AOC3: variants seen among roughly 807,000 people sequenced by gnomAD.
AOC3 encodes amine oxidase copper containing 3.
AOC3 carries 47 observed loss-of-function variants against 55.4 expected under a neutral mutation model. The observed-to-expected ratio is 0.85, with a 90% CI of 0.67 to 1.08. The LOEUF (loss-of-function observed/expected upper bound fraction) is 1.08, where lower values mean the gene tolerates loss of function less well. AOC3 is among the 50% of genes least tolerant of loss of function. The pLI is 0.00. For synonymous variants in AOC3, 386 were observed against 410.7 expected, an observed-to-expected ratio of 0.94 and a Z score of 0.73; for missense variants, 853 against 993.1, an observed-to-expected ratio of 0.86 and a Z score of 1.90.
intron 1 of AOC3, 158 bp from the exon 2 acceptor site, chr17:42,854,290 C>A: frequency 1.8e-6 from 1 of 544,872 alleles, no homozygotes; most frequent in Non-Finnish European, 2.9e-6. Flanking sequence ...ACAGCTTTGG[C>A]TAAAGGATTG....
At position 42,852,957 on chromosome 17, in the gene AOC3, G is replaced by T. The variant is rs1313887252; in HGVS notation, c.1600+14G>T. ...TGGATGTAGCAGGTAAGACATTTTG[G>T]TGGGGAGAAGGCTTCTGGAAGAAGG... On this transcript the variant is annotated intron_variant, in intron 1 of 3. Transcript: ENST00000308423. 6 of 1,594,536 alleles carry T rather than the reference G, an allele frequency of 3.8e-6. No homozygotes were observed. Among genetic ancestry groups the T allele is most frequent in the Non-Finnish European group, 5.2e-6 (6 of 1,163,894 alleles).
At position 42,851,407 on chromosome 17, in the gene AOC3, T is replaced by G. The variant is rs935579427; in HGVS notation, c.64T>G (p.Cys22Gly). The G allele has an allele frequency of 6.2e-7, 1 of 1,613,958 alleles. No homozygotes were observed. The highest frequency in any genetic ancestry group is 8.5e-7 in the Non-Finnish European group (1 of 1,179,870). The change falls in exon 1 of 4, where the codon TGT (cysteine) becomes GGT (glycine). Residue 22 changes from cysteine (C) to glycine (G), a missense_variant. Physicochemically the swap from Cys to Gly is radical, Grantham distance 159 (BLOSUM62 -3). Transcript: ENST00000308423. ...CGTCATCACCATCTTTGCCTTGGTT[T>G]GTGTCCTGCTGGTGGGCAGGGGTGG... ...LAVITIFALVCVLLVGRGGDG... is the reference protein window; with the variant it reads ...LAVITIFALVGVLLVGRGGDG...
rs547770067 is a variant in AOC3, at chr17:42,856,529, C to T, written c.2271C>T (p.His757=). Residue 757 remains histidine, a synonymous_variant, in exon 4 of 4, where the codon CAC becomes CAT. Transcript: ENST00000308423. ...CCCCCGACCTCCCTGCCTTCTCCCACGGGGGCTTCTCTCACAACTAGGCGG... is the reference window on the plus strand; with the variant it reads ...CCCCCGACCTCCCTGCCTTCTCCCATGGGGGCTTCTCTCACAACTAGGCGG... ...ACAPDLPAFS[H]GGFSHN 6.0e-5 allele frequency: 97 copies of T among 1,604,274 alleles called. 1 individual carries two copies. In the South Asian group the frequency reaches 7.9e-4, roughly 13 times the overall value.
Position 42,851,257 on chromosome 17 carries a change from T to G in AOC3, c.-87T>G. The stretch of plus-strand genomic sequence containing the variant: ...CAGAGTCCGGGAGCCCCCCACCCCG[T>G]CCAGGAGCCAACAGAGCCCCCGTCT... On this transcript the variant is annotated 5_prime_UTR_variant, in exon 1 of 4. Coordinates refer to ENST00000308423, the MANE Select transcript of AOC3 (RefSeq NM_003734.4). 7.4e-6 allele frequency: 10 copies of G among 1,343,902 alleles called. No homozygotes were observed. Among genetic ancestry groups the G allele is most frequent in the Non-Finnish European group, 1.0e-5 (10 of 999,274 alleles). The allele number at this position is 1,343,902 out of a possible 1,614,324, so 83.2% of individuals were successfully genotyped here.
In AOC3 at chr17:42,852,897, G is replaced by A. The variant is rs746826621; in HGVS notation, c.1554G>A (p.Thr518=). The change falls in exon 1 of 4, where the codon ACG becomes ACA. Residue 518 remains threonine (T), a synonymous_variant. Transcript: ENST00000308423. ...AAGTGTCAGAGCACACCCTGGGCACGGTCCACACCCACAGCGCCCACTTCA... is the reference window on the plus strand; with the variant it reads ...AAGTGTCAGAGCACACCCTGGGCACAGTCCACACCCACAGCGCCCACTTCA... ...GNQVSEHTLG[T]VHTHSAHFKV... is the part of the protein sequence containing the mutation. 17 of 1,610,742 alleles carry A rather than the reference G, an allele frequency of 1.1e-5. No homozygotes were observed. Among genetic ancestry groups the A allele is most frequent in the Admixed American group, 6.7e-5 (4 of 59,940 alleles).
rs764333161 is a variant in AOC3, at chr17:42,854,706, C to G, written c.1859C>G (p.Ser620Cys). 6 of 1,489,102 alleles carry G rather than the reference C, an allele frequency of 4.0e-6. No individual in the cohort carries two copies. In the Admixed American group the frequency reaches 1.1e-4, roughly 28 times the overall value. The allele number at this position is 1,489,102 out of a possible 1,614,324, so 92.2% of individuals were successfully genotyped here. Reference protein sequence around the residue: ...FAGEPLPQNSSMARGFSWERY... With the variant: ...FAGEPLPQNSCMARGFSWERY... The stretch of plus-strand genomic sequence containing the variant: ...GGAGAGCCGCTGCCCCAAAACAGCT[C>G]CATGGCGAGAGGCTTCAGCTGGGAG... Residue 620 changes from serine (S) to cysteine (C), a missense_variant, in exon 2 of 4, where the codon TCC (serine) becomes TGC (cysteine). Ser to Cys is a moderately radical substitution (Grantham distance 112). Transcript: ENST00000308423.
chr17:42,856,158 C>A, intron 3 of AOC3, 117 bp from the exon 4 acceptor site: 2 of 1,329,522 alleles, frequency 1.5e-6, no homozygotes, highest in East Asian at 4.6e-5. Flanking sequence ...TTGACTCCTA[C>A]CCAGCAGGAA....
rs1282552585 is a variant in AOC3 at position 42,857,629 on chromosome 17, T to TGGCCTGGGTGGGGCAG, written c.*1087_*1102dup. The TGGCCTGGGTGGGGCAG allele has an allele frequency of 6.6e-6, 1 of 152,172 alleles. No homozygotes were observed. The highest frequency in any genetic ancestry group is 1.5e-5 in the Non-Finnish European group (1 of 68,010). The allele number at this position is 152,172 out of a possible 1,614,324, so 9.4% of individuals were successfully genotyped here. A position where few individuals can be genotyped will look rare whatever the true frequency, so the allele number is the denominator to read the frequency against. ...GGGTCTGGCCTAGTGGGGAGGGGCC[T>TGGCCTGGGTGGGGCAG]GGCCTGGGTGGGGCAGGGCCTGGCC... On this transcript the variant is annotated 3_prime_UTR_variant, in exon 4 of 4. Transcript: ENST00000308423.
rs2055679616 is a variant in AOC3, at chr17:42,852,168, C to G, written c.825C>G (p.Ala275=). Residue 275 remains alanine (A), a synonymous_variant, in exon 1 of 4, where the codon GCC becomes GCG. Coordinates refer to ENST00000308423, the MANE Select transcript of AOC3 (RefSeq NM_003734.4). ...AAGGCCGCTACTACGACAGCCTGGC[C>G]CAGCTGGAGGCCCAGTTTGAGGCCG... The part of the protein sequence containing the change: ...FYQGRYYDSL[A]QLEAQFEAGL... 6.2e-7 allele frequency: 1 copy of G among 1,613,786 alleles called. No individual in the cohort carries two copies. Among genetic ancestry groups the G allele is most frequent in the African/African-American group, 1.3e-5 (1 of 74,896 alleles).
rs778378765 is a variant in AOC3, at chr17:42,852,000, A to G, written c.657A>G (p.Gln219=). Residue 219 remains glutamine, a synonymous_variant, in exon 1 of 4, where the codon CAA becomes CAG. Transcript: ENST00000308423. ...VTMTTAPRGL[Q]SGDRATWFGL... is the part of the protein sequence containing the mutation. ...TGACCACGGCTCCCCGTGGTCTGCA[A>G]TCAGGGGACCGGGCCACCTGGTTTG... 3.1e-6 allele frequency: 5 copies of G among 1,613,606 alleles called. No individual in the cohort carries two copies. Among genetic ancestry groups the G allele is most frequent in the Middle Eastern group, 1.6e-4 (1 of 6,076 alleles).
In AOC3 at chr17:42,852,447, C is replaced by T; in HGVS notation, c.1104C>T (p.Ala368=). ...TTTATGAGATAAGCCTCCAAGAGGC[C>T]TTGGCCATCTATGGTGGAAATTCCC... ...RLVYEISLQE[A]LAIYGGNSPA... The change falls in exon 1 of 4, where the codon GCC becomes GCT. Residue 368 remains alanine, a synonymous_variant. Coordinates refer to ENST00000308423, the MANE Select transcript of AOC3 (RefSeq NM_003734.4). The T allele has an allele frequency of 6.2e-7, 1 of 1,614,208 alleles. No homozygotes were observed. Among genetic ancestry groups the T allele is most frequent in the South Asian group, 1.1e-5 (1 of 91,090 alleles).
Position 42,854,508 on chromosome 17 carries a change from G to A in AOC3, c.1661G>A (p.Ser554Asn), listed in dbSNP as rs751610616. ...MVFVPMAVPW[S>N]PEHQLQRLQV... The stretch of plus-strand genomic sequence containing the variant: ...TTTGTCCCCATGGCTGTGCCCTGGA[G>A]CCCTGAGCACCAGCTGCAGAGGCTG... Residue 554 changes from serine to asparagine, a missense_variant, in exon 2 of 4, where the codon AGC (serine) becomes AAC (asparagine). By Grantham distance (46) the Ser-to-Asn change is conservative. Transcript: ENST00000308423. 2 of 1,605,226 alleles carry A rather than the reference G, an allele frequency of 1.2e-6. No homozygotes were observed. Among genetic ancestry groups the A allele is most frequent in the Non-Finnish European group, 1.7e-6 (2 of 1,175,022 alleles).
At chr17:42,856,112 G>C (rs1488886570) in intron 3 of AOC3, among the ~76,000 whole-genome samples, 163 bp from the exon 4 acceptor site, 1 of 152,192 alleles carries the variant, frequency 6.6e-6, no homozygotes, top group Non-Finnish European at 1.5e-5. Context: ...GGACAGGGAA[G>C]CAGGTGTTCC....
Position 42,852,921 on chromosome 17 carries a change from C to T in AOC3, c.1578C>T (p.Phe526=). 1 of 1,604,968 alleles carries T rather than the reference C, an allele frequency of 6.2e-7. No individual in the cohort carries two copies. The highest frequency in any genetic ancestry group is 2.2e-5 in the East Asian group (1 of 44,552). Residue 526 remains phenylalanine (F), a synonymous_variant, in exon 1 of 4, where the codon TTC becomes TTT. Transcript: ENST00000308423. ...CGGTCCACACCCACAGCGCCCACTT[C>T]AAGGTGGATCTGGATGTAGCAGGTA... ...LGTVHTHSAH[F]KVDLDVAGLE... is the part of the protein sequence containing the mutation.
chr17:42,851,314 G>C lies in AOC3; in HGVS notation c.-30G>C, dbSNP rs1475791794. On this transcript the variant is annotated 5_prime_UTR_variant, in exon 1 of 4. Coordinates refer to ENST00000308423, the MANE Select transcript of AOC3 (RefSeq NM_003734.4). The stretch of plus-strand genomic sequence containing the variant: ...CGTGAGAATACATTGCTCTCCTTTG[G>C]TTGAATCAGCTGTCCCTCTTCGTGG... 2.6e-6 allele frequency: 4 copies of C among 1,567,246 alleles called. No individual in the cohort carries two copies. The South Asian group carries it at 4.9e-5, about 19-fold the overall frequency.
Position 42,856,260 on chromosome 17 carries a change from C to T in AOC3, c.2017-15C>T, listed in dbSNP as rs749962967. ...AAAGCCAGACCTCGTGATCCTCTTT[C>T]TTCTCCCCTGCTAGGATTTGGTGGC... On this transcript the variant is annotated splice_polypyrimidine_tract_variant and intron_variant, in intron 3 of 3. Transcript: ENST00000308423. The T allele has an allele frequency of 6.8e-6, 11 of 1,612,190 alleles. No homozygotes were observed. In the Admixed American group the frequency reaches 1.8e-4, roughly 27 times the overall value.
Position 42,852,366 on chromosome 17 carries a change from C to T in AOC3, c.1023C>T (p.Leu341=), listed in dbSNP as rs566178487. Residue 341 remains leucine, a synonymous_variant, in exon 1 of 4, where the codon CTC becomes CTT. Coordinates refer to ENST00000308423, the MANE Select transcript of AOC3 (RefSeq NM_003734.4). Reference sequence around the variant, plus strand: ...CACTGTGGACTTTCTCCTTTGGCCTCGGAGCATTCAGTGGCCCAAGGATCT... The same window carrying T: ...CACTGTGGACTTTCTCCTTTGGCCTTGGAGCATTCAGTGGCCCAAGGATCT... The part of the protein sequence containing the change: ...ASSLWTFSFG[L]GAFSGPRIFD... The T allele has an allele frequency of 3.5e-5, 57 of 1,613,974 alleles. No homozygotes were observed. The highest frequency in any genetic ancestry group is 4.6e-5 in the Non-Finnish European group (54 of 1,180,034).
intron 1 of AOC3, chr17:42,854,246 A>G (rs2055714729): frequency 4.8e-6 from 2 of 414,590 alleles, no homozygotes; most frequent in Non-Finnish European, 8.4e-6. Flanking sequence ...AAATGGAATG[A>G]ACTCCCTGAT....
In AOC3 at chr17:42,852,950, C is replaced by G; in HGVS notation, c.1600+7C>G. 1 of 1,596,314 alleles carries G rather than the reference C, an allele frequency of 6.3e-7. No individual in the cohort carries two copies. The highest frequency in any genetic ancestry group is 8.6e-7 in the Non-Finnish European group (1 of 1,165,232). On this transcript the variant is annotated splice_region_variant and intron_variant, in intron 1 of 3. Coordinates refer to ENST00000308423, the MANE Select transcript of AOC3 (RefSeq NM_003734.4). ...GTGGATCTGGATGTAGCAGGTAAGA[C>G]ATTTTGGTGGGGAGAAGGCTTCTGG...
Sources: gnomAD v4.1 joint callset for allele counts (sites outside exome capture counted in the v4.1 genomes callset) on GRCh38, gnomAD v4.1.1 for gene constraint, MANE v1.5 for transcripts, NCBI Gene and HGNC (gene_info 2026-07-23, HGNC 2026-07-21) for gene names.